The following TMEM132C variants were observed in gnomAD, a reference collection of about 807,000 sequenced individuals.
TMEM132C encodes transmembrane protein 132C.
Under a neutral mutation model 61.4 loss-of-function variants are expected in TMEM132C, and 29 were observed. That is an observed-to-expected ratio of 0.47 (90% CI 0.35 to 0.64). TMEM132C has a LOEUF of 0.64. Ranked by LOEUF, TMEM132C falls within the 30% of genes least tolerant of loss-of-function variation. The probability of loss-of-function intolerance (pLI) is 0.00; values close to 1 mark genes in which losing one functional copy is unlikely to be tolerated. For missense variants in TMEM132C, 1,408 were observed against 1,476.9 expected (o/e 0.95, Z 0.76); for synonymous variants, 656 against 633.1 (o/e 1.04, Z -0.54).
chr12:128,608,516 A>G (rs1876504006), intron 3 of TMEM132C, among the ~76,000 whole-genome samples: 1 of 152,234 alleles, frequency 6.6e-6, no homozygotes, highest in African/African-American at 2.4e-5. Context: ...ATTCAAACCC[A>G]AATGTGTTCA....
chr12:128,705,736 T>G lies in TMEM132C; in HGVS notation c.2768T>G (p.Leu923Arg), dbSNP rs1469588185. Residue 923 changes from leucine to arginine, a missense_variant, in exon 9 of 9, where the codon CTG (leucine) becomes CGG (arginine). Coordinates refer to ENST00000435159, the MANE Select transcript of TMEM132C (RefSeq NM_001136103.3). ...CAGACTCCGCGGGGCCTGAGTGATC[T>G]GGAGATAGGGATGTACGCCCTCCTG... ...LVQTPRGLSD[L>R]EIGMYALLGV... 6 of 1,551,460 alleles carry G rather than the reference T, an allele frequency of 3.9e-6. No homozygotes were observed. In the African/African-American group the frequency reaches 5.5e-5, roughly 14 times the overall value.
Position 128,605,514 on chromosome 12 carries a change from A to G in TMEM132C, c.1122-10638A>G, listed in dbSNP as rs149865335. Among the ~76,000 whole-genome samples, 29 of 152,298 alleles carry G rather than the reference A, an allele frequency of 1.9e-4. No individual in the cohort carries two copies. The East Asian group carries it at 4.6e-3, about 24-fold the overall frequency. ...ATACACCCAGAATAATGTTTGCCCA[A>G]ATGTCTGGGCATCCCATGGCTCTGT... On this transcript the variant is annotated intron_variant, in intron 3 of 8. Coordinates refer to ENST00000435159, the MANE Select transcript of TMEM132C (RefSeq NM_001136103.3).
At chr12:128,691,417 C>T (rs754773313) in intron 5 of TMEM132C, among the ~76,000 whole-genome samples, 17 of 152,252 alleles carry the variant, frequency 1.1e-4, no homozygotes, top group Non-Finnish European at 2.2e-4. Context: ...GCTCATCCAT[C>T]CCTCTGTCCA....
At chr12:128,301,915 A>C (rs969638218) in intron 1 of TMEM132C, among the ~76,000 whole-genome samples, 3 of 152,206 alleles carry the variant, frequency 2.0e-5, no homozygotes, top group African/African-American at 7.2e-5. Context: ...GGCAGATGAG[A>C]GAAATGAGAG....
At chr12:128,324,820 C>T (rs1268567540) in intron 1 of TMEM132C, among the ~76,000 whole-genome samples, 1 of 151,880 alleles carries the variant, frequency 6.6e-6, no homozygotes, top group African/African-American at 2.4e-5. Context: ...AGAGTGAGAC[C>T]CTACCTCAAA....
intron 2 of TMEM132C, among the ~76,000 whole-genome samples, chr12:128,463,348 C>G (rs1364745922): frequency 6.6e-6 from 1 of 152,056 alleles, no homozygotes; most frequent in Non-Finnish European, 1.5e-5. Flanking sequence ...GACGGAGTTT[C>G]TCTCTTGTTG....
chr12:128,452,087 A>G (rs1170649172), intron 2 of TMEM132C, among the ~76,000 whole-genome samples: 2 of 152,072 alleles, frequency 1.3e-5, no homozygotes, highest in East Asian at 1.9e-4. Flanking sequence ...AAAAAATGCA[A>G]TTATGATTAT....
chr12:128,300,033 T>TA (rs1286200786), intron 1 of TMEM132C, among the ~76,000 whole-genome samples: 2 of 152,094 alleles, frequency 1.3e-5, no homozygotes, highest in African/African-American at 4.8e-5. Context: ...CAATAAGAAA[T>TA]ACAAAACTCA....
At chr12:128,296,417 T>C (rs560085687) in intron 1 of TMEM132C, among the ~76,000 whole-genome samples, 6 of 152,312 alleles carry the variant, frequency 3.9e-5, no homozygotes, top group African/African-American at 1.4e-4. Flanking sequence ...ACCCCAAGAC[T>C]GGTTGTTCTC....
chr12:128,370,908 A>G (rs1178113101), intron 1 of TMEM132C, among the ~76,000 whole-genome samples: 7 of 152,120 alleles, frequency 4.6e-5, no homozygotes, highest in African/African-American at 7.2e-5. Context: ...TGCCCCAGAC[A>G]TTGTTCTAAG....
At chr12:128,575,170 G>T (rs1267347954) in intron 3 of TMEM132C, among the ~76,000 whole-genome samples, 1 of 152,154 alleles carries the variant, frequency 6.6e-6, no homozygotes, top group Non-Finnish European at 1.5e-5. Flanking sequence ...ACACAGCAAA[G>T]TCATCATACC....
At chr12:128,324,462 G>A (rs1300159681) in intron 1 of TMEM132C, among the ~76,000 whole-genome samples, 3 of 152,146 alleles carry the variant, frequency 2.0e-5, no homozygotes, top group East Asian at 1.9e-4. Flanking sequence ...TATCACATCC[G>A]TGTATGTCTG....
chr12:128,601,458 T>C (rs1876184231), intron 3 of TMEM132C, among the ~76,000 whole-genome samples: 1 of 152,190 alleles, frequency 6.6e-6, no homozygotes, highest in Non-Finnish European at 1.5e-5. Context: ...ATGGGACTCA[T>C]GACAGAGAAA....
intron 2 of TMEM132C, among the ~76,000 whole-genome samples, chr12:128,494,555 T>G (rs1346762682): frequency 6.6e-6 from 1 of 152,200 alleles, no homozygotes; most frequent in South Asian, 2.1e-4. Context: ...GGGATTCAAC[T>G]TCTTCTTGGT....
intron 2 of TMEM132C, among the ~76,000 whole-genome samples, chr12:128,483,435 G>T (rs1317674079): frequency 2.0e-5 from 3 of 151,956 alleles, no homozygotes; most frequent in African/African-American, 7.3e-5. Flanking sequence ...GGCTCCAGAA[G>T]ATTCTCCACA....
intron 3 of TMEM132C, among the ~76,000 whole-genome samples, chr12:128,600,828 T>C (rs1454112409): frequency 6.6e-6 from 1 of 152,122 alleles, no homozygotes; most frequent in Non-Finnish European, 1.5e-5. Context: ...GATGGACAAA[T>C]GGATGAATGA....
chr12:128,303,438 G>A (rs188453914), intron 1 of TMEM132C, among the ~76,000 whole-genome samples: 33 of 152,256 alleles, frequency 2.2e-4, no homozygotes, highest in Non-Finnish European at 4.3e-4. Context: ...TTCTTTATTC[G>A]TGATGAGGGA....
chr12:128,613,495 G>A (rs1876703668), intron 3 of TMEM132C, among the ~76,000 whole-genome samples: 2 of 152,126 alleles, frequency 1.3e-5, no homozygotes, highest in South Asian at 4.1e-4. Context: ...CTCTTAGTTT[G>A]GAAACACTCT....
chr12:128,402,673 G>A (rs1332536379), intron 1 of TMEM132C, among the ~76,000 whole-genome samples: 2 of 152,190 alleles, frequency 1.3e-5, no homozygotes, highest in Non-Finnish European at 2.9e-5. Flanking sequence ...GCGGGGGAGG[G>A]CAGGTGGAGG....
Sources: allele counts gnomAD v4.1 joint callset (sites outside exome capture counted in the v4.1 genomes callset), GRCh38; gene constraint gnomAD v4.1.1; transcripts MANE v1.5; gene names NCBI Gene and HGNC (gene_info 2026-07-23, HGNC 2026-07-21).